Variants in KCNMA1 observed in about 807,000 individuals in gnomAD.
KCNMA1 encodes the protein potassium calcium-activated channel subfamily M alpha 1.
In KCNMA1, 29 loss-of-function variants were observed where a neutral mutation model predicts 140.0. The observed-to-expected ratio is 0.21, with a 90% CI of 0.15 to 0.28. The LOEUF is 0.28. KCNMA1 is among the 10% of genes least tolerant of loss of function. KCNMA1 has a pLI of 1.00. For missense variants in KCNMA1, 880 were observed against 1,602.2 expected (o/e 0.55, Z 7.70); for synonymous variants, 612 against 611.9 (o/e 1.00, Z 0.00).
At chr10:77,055,905 G>A (rs2095525879) in intron 14 of KCNMA1, among the ~76,000 whole-genome samples, 1 of 152,204 alleles carries the variant, frequency 6.6e-6, no homozygotes, top group Non-Finnish European at 1.5e-5. Flanking sequence ...GCTAAGCTGT[G>A]CATGGATGAA....
chr10:76,917,522 T>C (rs901680087), intron 23 of KCNMA1, among the ~76,000 whole-genome samples: 1 of 152,222 alleles, frequency 6.6e-6, no homozygotes, highest in Non-Finnish European at 1.5e-5. Context: ...GCTTGCTTCA[T>C]AGGCTTCTTT....
chr10:76,944,718 T>C, intron 23 of KCNMA1, 55 bp downstream of exon 23: 3 of 1,520,754 alleles, frequency 2.0e-6, no homozygotes, highest in Non-Finnish European at 2.7e-6. Flanking sequence ...ATATCCCTCT[T>C]GCCAGCCCCT....
chr10:76,945,611 G>A (rs760632436), intron 22 of KCNMA1, among the ~76,000 whole-genome samples: 1 of 152,086 alleles, frequency 6.6e-6, no homozygotes, highest in Non-Finnish European at 1.5e-5. Flanking sequence ...AAATACACAG[G>A]GAAATGACCT....
intron 12 of KCNMA1, among the ~76,000 whole-genome samples, chr10:77,083,724 A>G (rs964605251): frequency 8.6e-5 from 13 of 151,598 alleles, no homozygotes; most frequent in Non-Finnish European, 1.8e-4. Context: ...AGCCTCGGCT[A>G]CTTGGGAGGC....
chr10:77,581,641 T>C (rs2075920964), intron 1 of KCNMA1, among the ~76,000 whole-genome samples: 2 of 152,218 alleles, frequency 1.3e-5, no homozygotes, highest in African/African-American at 4.8e-5. Flanking sequence ...GGACAAACAG[T>C]TGGTGGCCTG....
At chr10:77,051,367 T>A (rs1324612334) in intron 14 of KCNMA1, among the ~76,000 whole-genome samples, 1 of 152,218 alleles carries the variant, frequency 6.6e-6, no homozygotes, top group East Asian at 1.9e-4. Context: ...ATTCTGCTAG[T>A]TTTAGGTATC....
intron 23 of KCNMA1, 42 bp downstream of exon 23, chr10:76,944,730 TC>T (rs1201649359): frequency 1.3e-6 from 2 of 1,563,812 alleles, no homozygotes; most frequent in Non-Finnish European, 1.8e-6. Context: ...CCAGCCCCTG[TC>T]CCCTGCAGGC....
intron 12 of KCNMA1, among the ~76,000 whole-genome samples, chr10:77,083,624 G>A (rs892904989): frequency 3.3e-5 from 5 of 151,570 alleles, no homozygotes; most frequent in African/African-American, 4.8e-5. Context: ...TTAGGAGTTC[G>A]TTGAGATCAG....
At chr10:77,472,676 A>G (rs562017939) in intron 1 of KCNMA1, among the ~76,000 whole-genome samples, 1 of 152,292 alleles carries the variant, frequency 6.6e-6, no homozygotes, top group Non-Finnish European at 1.5e-5. Flanking sequence ...TCTAAAAATT[A>G]TTTCTTTTTA....
chr10:76,913,743 T>C, intron 24 of KCNMA1: 1 of 298,110 alleles, frequency 3.4e-6, no homozygotes. Flanking sequence ...GAGAGCGGGG[T>C]GACAAAAAAA....
At chr10:77,110,739 T>C (rs2097300722) in intron 7 of KCNMA1, among the ~76,000 whole-genome samples, 1 of 152,234 alleles carries the variant, frequency 6.6e-6, no homozygotes, top group African/African-American at 2.4e-5. Context: ...CTCAATGGGT[T>C]TCTAAGGCCC....
chr10:77,017,008 A>G (rs939204235), intron 17 of KCNMA1, among the ~76,000 whole-genome samples: 3 of 152,182 alleles, frequency 2.0e-5, no homozygotes, highest in African/African-American at 7.2e-5. Context: ...CCTAACTGAC[A>G]GCATTTGCTT....
intron 1 of KCNMA1, among the ~76,000 whole-genome samples, chr10:77,431,367 A>C (rs1000562272): frequency 8.5e-5 from 13 of 152,238 alleles, no homozygotes; most frequent in African/African-American, 2.9e-4. Context: ...AAATGTAATC[A>C]TACCTTGAGG....
chr10:77,194,745 G>A (rs1278364793), intron 3 of KCNMA1, among the ~76,000 whole-genome samples: 2 of 151,784 alleles, frequency 1.3e-5, no homozygotes, highest in East Asian at 1.9e-4. Context: ...TGGCACACAA[G>A]CCCCTCAGCA....
chr10:77,551,358 C>T (rs1395094160), intron 1 of KCNMA1, among the ~76,000 whole-genome samples: 3 of 152,186 alleles, frequency 2.0e-5, no homozygotes, highest in Admixed American at 2.0e-4. Flanking sequence ...GAGGCACAGA[C>T]CCCCTGAGCC....
chr10:77,104,674 C>T (rs1220325077), intron 9 of KCNMA1, among the ~76,000 whole-genome samples: 2 of 152,238 alleles, frequency 1.3e-5, no homozygotes, highest in African/African-American at 4.8e-5. Context: ...AAGGGGGTTA[C>T]AGCAGATGGA....
intron 3 of KCNMA1, among the ~76,000 whole-genome samples, chr10:77,248,304 G>T (rs2059004216): frequency 6.6e-6 from 1 of 152,134 alleles, no homozygotes; most frequent in African/African-American, 2.4e-5. Context: ...TCAAAGGGCT[G>T]GGTGCAGAGA....
intron 1 of KCNMA1, among the ~76,000 whole-genome samples, chr10:77,474,455 A>G (rs1018659474): frequency 1.3e-5 from 2 of 152,222 alleles, no homozygotes; most frequent in Admixed American, 6.5e-5. Context: ...TACAAGAGCC[A>G]AGGAGAGAGG....
intron 1 of KCNMA1, among the ~76,000 whole-genome samples, chr10:77,450,713 T>C (rs2097631349): frequency 6.6e-6 from 1 of 152,184 alleles, no homozygotes; most frequent in Non-Finnish European, 1.5e-5. Flanking sequence ...CAAAGAGTCA[T>C]ACTATCATGA....
Sources: allele counts gnomAD v4.1 joint callset (sites outside exome capture counted in the v4.1 genomes callset), GRCh38; gene constraint gnomAD v4.1.1; transcripts MANE v1.5; gene names NCBI Gene and HGNC (gene_info 2026-07-23, HGNC 2026-07-21).